The following CAMK1D variants were observed in gnomAD, a reference collection of about 807,000 sequenced individuals.
CAMK1D encodes calcium/calmodulin dependent protein kinase ID.
A neutral mutation model predicts 47.7 loss-of-function variants in CAMK1D; 9 were observed. That is an observed-to-expected ratio of 0.19 (90% CI 0.11 to 0.33). The LOEUF (loss-of-function observed/expected upper bound fraction) is 0.33, where lower values mean the gene tolerates loss of function less well. CAMK1D is among the 10% of genes least tolerant of loss of function. The pLI, the probability that CAMK1D is intolerant of heterozygous loss-of-function variation, is 1.00. For missense variants in CAMK1D, 291 were observed against 488.7 expected (o/e 0.60, Z 3.81); for synonymous variants, 184 against 184.9 (o/e 0.99, Z 0.04).
chr10:12,507,809 T>C (rs1006302647), intron 1 of CAMK1D, among the ~76,000 whole-genome samples: 4 of 152,222 alleles, frequency 2.6e-5, no homozygotes, highest in Admixed American at 6.5e-5. Flanking sequence ...GCATTTGTCT[T>C]TTTCTGTCTC....
At chr10:12,371,573 C>A (rs1264909546) in intron 1 of CAMK1D, among the ~76,000 whole-genome samples, 2 of 134,788 alleles carry the variant, frequency 1.5e-5, no homozygotes, top group Non-Finnish European at 3.1e-5. Flanking sequence ...GAGACTGTCC[C>A]GAAAAAAAAA....
intron 1 of CAMK1D, among the ~76,000 whole-genome samples, chr10:12,481,224 G>A (rs12780475): frequency 0.14 from 20,773 of 152,044 alleles, 1,532 homozygotes; most frequent in Non-Finnish European, 0.18. Flanking sequence ...AACCCAAGAT[G>A]GGCCTTTTGA....
At chr10:12,507,396 C>G (rs982624195) in intron 1 of CAMK1D, among the ~76,000 whole-genome samples, 6 of 152,146 alleles carry the variant, frequency 3.9e-5, no homozygotes, top group Non-Finnish European at 7.3e-5. Context: ...GGGAAGCACC[C>G]TTTTTGTTTT....
chr10:12,560,154 C>T (rs1238201067), intron 2 of CAMK1D, among the ~76,000 whole-genome samples: 1 of 152,100 alleles, frequency 6.6e-6, no homozygotes, highest in Admixed American at 6.6e-5. Flanking sequence ...TGCCCCTGCT[C>T]CTGCGGCTTT....
intron 2 of CAMK1D, among the ~76,000 whole-genome samples, chr10:12,614,406 A>T (rs765350366): frequency 6.6e-5 from 10 of 152,226 alleles, no homozygotes; most frequent in African/African-American, 2.4e-4. Context: ...AAATGCAACC[A>T]TATGCATCTC....
intron 2 of CAMK1D, among the ~76,000 whole-genome samples, chr10:12,586,474 A>T (rs1837822222): frequency 6.7e-6 from 1 of 149,428 alleles, no homozygotes; most frequent in African/African-American, 2.5e-5. Flanking sequence ...AAAAAAAAAA[A>T]TTGAAGAAGG....
At chr10:12,667,402 A>G (rs1373482781) in intron 3 of CAMK1D, among the ~76,000 whole-genome samples, 1 of 152,248 alleles carries the variant, frequency 6.6e-6, no homozygotes, top group Non-Finnish European at 1.5e-5. Context: ...GAGATTACCA[A>G]AAGAGGGAAG....
intron 1 of CAMK1D, among the ~76,000 whole-genome samples, chr10:12,385,509 A>G (rs1445010318): frequency 6.6e-6 from 1 of 152,246 alleles, no homozygotes; most frequent in Non-Finnish European, 1.5e-5. Context: ...AAGAAACTAC[A>G]TACTGTGTGA....
intron 2 of CAMK1D, among the ~76,000 whole-genome samples, chr10:12,593,903 G>A (rs1018180280): frequency 1.3e-5 from 2 of 152,112 alleles, no homozygotes; most frequent in Admixed American, 6.6e-5. Context: ...ATGGCCAGGC[G>A]CGGTGGCTCA....
At chr10:12,632,213 C>A (rs1331134403) in intron 2 of CAMK1D, among the ~76,000 whole-genome samples, 1 of 152,188 alleles carries the variant, frequency 6.6e-6, no homozygotes, top group Non-Finnish European at 1.5e-5. Flanking sequence ...TCCCATTTAA[C>A]AAGTGATTAT....
At chr10:12,695,955 G>T (rs1833278102) in intron 3 of CAMK1D, among the ~76,000 whole-genome samples, 1 of 151,984 alleles carries the variant, frequency 6.6e-6, no homozygotes, top group African/African-American at 2.4e-5. Context: ...GCGGACGCCT[G>T]TAGTCCCAGC....
intron 2 of CAMK1D, among the ~76,000 whole-genome samples, chr10:12,581,359 G>A (rs946103486): frequency 6.6e-6 from 1 of 152,288 alleles, no homozygotes; most frequent in Non-Finnish European, 1.5e-5. Context: ...GCATGTGCAA[G>A]TATGTTTTTT....
intron 1 of CAMK1D, among the ~76,000 whole-genome samples, chr10:12,478,497 G>A (rs1016819583): frequency 1.3e-5 from 2 of 151,852 alleles, no homozygotes; most frequent in Non-Finnish European, 2.9e-5. Flanking sequence ...TGTAGAGACA[G>A]TGTCTCTTTA....
chr10:12,404,248 T>C (rs1326503087), intron 1 of CAMK1D, among the ~76,000 whole-genome samples: 1 of 152,124 alleles, frequency 6.6e-6, no homozygotes, highest in African/African-American at 2.4e-5. Flanking sequence ...TTTCTCCATA[T>C]TGGTTGGGCT....
chr10:12,389,990 A>C (rs1341822572), intron 1 of CAMK1D, among the ~76,000 whole-genome samples: 2 of 152,102 alleles, frequency 1.3e-5, no homozygotes, highest in Non-Finnish European at 2.9e-5. Context: ...GTCCTGCCCC[A>C]TGGGGCAAGG....
At chr10:12,732,845 C>T (rs773619795) in intron 3 of CAMK1D, among the ~76,000 whole-genome samples, 7 of 151,982 alleles carry the variant, frequency 4.6e-5, no homozygotes, top group East Asian at 1.9e-4. Flanking sequence ...ACAGTGCAGG[C>T]GATGGAGCCA....
intron 3 of CAMK1D, among the ~76,000 whole-genome samples, chr10:12,745,126 G>A (rs1204898701): frequency 1.3e-5 from 2 of 152,234 alleles, no homozygotes; most frequent in African/African-American, 4.8e-5. Flanking sequence ...TGCCTTCCGA[G>A]TTCACGCCGT....
intron 1 of CAMK1D, among the ~76,000 whole-genome samples, chr10:12,528,445 G>T (rs1035911730): frequency 6.6e-6 from 1 of 152,208 alleles, no homozygotes; most frequent in African/African-American, 2.4e-5. Flanking sequence ...TGCAGAAGAG[G>T]TGCCAGTAGC....
intron 2 of CAMK1D, among the ~76,000 whole-genome samples, chr10:12,577,620 T>C (rs111287198): frequency 2.0e-5 from 3 of 152,344 alleles, no homozygotes; most frequent in African/African-American, 7.2e-5. Context: ...TCTTTCTCTT[T>C]TGTTGTCTGT....
Sources: gnomAD v4.1 joint callset for allele counts (sites outside exome capture counted in the v4.1 genomes callset) on GRCh38, gnomAD v4.1.1 for gene constraint, MANE v1.5 for transcripts, NCBI Gene and HGNC (gene_info 2026-07-23, HGNC 2026-07-21) for gene names.